Variants in AMBP observed in about 807,000 individuals in gnomAD.
AMBP encodes protein AMBP.
A neutral mutation model predicts 46.3 loss-of-function variants in AMBP; 37 were observed. That is an observed-to-expected ratio of 0.80 (90% CI 0.61 to 1.05). The LOEUF (loss-of-function observed/expected upper bound fraction) is 1.05, where lower values mean the gene tolerates loss of function less well. Among genes scored for constraint, AMBP ranks in the 50% least tolerant of loss-of-function variants. The pLI, the probability that AMBP is intolerant of heterozygous loss-of-function variation, is 0.00. For synonymous variants in AMBP, 174 were observed against 175.9 expected (o/e 0.99, Z 0.09); for missense variants, 475 against 461.2 (o/e 1.03, Z -0.27).
chr9:114,066,384 T>TGTGTGTGTGG (rs2134848390), intron 6 of AMBP, among the ~76,000 whole-genome samples: 1 of 150,414 alleles, frequency 6.6e-6, no homozygotes, highest in African/African-American at 2.4e-5. Context: ...CACGTGTGTG[T>TGTGTGTGTGG]GTGTGTGTGT....
chr9:114,066,659 A>G (rs1047726472), intron 6 of AMBP, among the ~76,000 whole-genome samples: 1 of 152,126 alleles, frequency 6.6e-6, no homozygotes, highest in Non-Finnish European at 1.5e-5. Context: ...GCACAAAGGA[A>G]TGACTGCTAA....
chr9:114,072,504 A>G (rs893653234), intron 5 of AMBP, among the ~76,000 whole-genome samples: 2 of 152,218 alleles, frequency 1.3e-5, no homozygotes, highest in Admixed American at 1.3e-4. Flanking sequence ...TACCAGGCCA[A>G]GTGGGTGGAA....
At chr9:114,076,876 T>A in intron 1 of AMBP, 136 bp from the exon 2 acceptor site, 1 of 1,160,814 alleles carries the variant, frequency 8.6e-7, no homozygotes. Flanking sequence ...TTTTAAGGGA[T>A]AATGTCTTAC....
rs757570817 is a variant in AMBP at position 114,069,752 on chromosome 9, C to T, written c.557-7G>A. ...TCCCCAGGGACACATTCACCTAGGT[C>T]ACAGAGCAGGAGAGAGGAGTGAATA... On this transcript the variant is annotated splice_region_variant and splice_polypyrimidine_tract_variant and intron_variant, in intron 5 of 9. Coordinates refer to ENST00000265132, the MANE Select transcript of AMBP (RefSeq NM_001633.4). 67 of 1,614,012 alleles carry T rather than the reference C, an allele frequency of 4.2e-5. No individual in the cohort carries two copies. The East Asian group carries it at 1.4e-3, about 35-fold the overall frequency.
At chr9:114,060,904 G>A (rs771460219) in intron 9 of AMBP, 21 bp downstream of exon 9, 4 of 1,607,736 alleles carry the variant, frequency 2.5e-6, no homozygotes, top group Non-Finnish European at 3.4e-6. Context: ...GCCCAGCCTG[G>A]CACCCTGCAG....
At chr9:114,074,518 T>G (rs1846783654) in intron 3 of AMBP, among the ~76,000 whole-genome samples, 2 of 152,108 alleles carry the variant, frequency 1.3e-5, no homozygotes, top group African/African-American at 4.8e-5. Context: ...TTCATCCATC[T>G]ATCTAGCCAA....
chr9:114,071,253 C>T (rs1052444214), intron 5 of AMBP, among the ~76,000 whole-genome samples: 4 of 152,246 alleles, frequency 2.6e-5, no homozygotes, highest in African/African-American at 9.6e-5. Context: ...AGGATGCCTG[C>T]TCCCACTGCC....
chr9:114,060,971 G>C lies in AMBP; in HGVS notation c.981C>G (p.Phe327Leu). 6.2e-7 allele frequency: 1 copy of C among 1,614,264 alleles called. No individual in the cohort carries two copies. The highest frequency in any genetic ancestry group is 8.5e-7 in the Non-Finnish European group (1 of 1,180,046). ...YGGCQGNGNK[F>L]YSEKECREYC... ...ACTCTCTGCACTCCTTCTCTGAGTAGAACTTGTTCCCGTTGCCCTGGCAGC... is the reference window on the plus strand; with the variant it reads ...ACTCTCTGCACTCCTTCTCTGAGTACAACTTGTTCCCGTTGCCCTGGCAGC... Residue 327 changes from phenylalanine (F) to leucine (L), a missense_variant, in exon 9 of 10, where the codon TTC becomes TTG. This residue lies in a region of AMBP where 293 missense variants were observed against 276.9 expected (regional missense o/e 1.06). Transcript: ENST00000265132.
chr9:114,061,228 T>A, intron 8 of AMBP, 130 bp from the exon 9 acceptor site: 2 of 1,394,844 alleles, frequency 1.4e-6, no homozygotes, highest in Non-Finnish European at 1.9e-6. Flanking sequence ...ATGGGGAAAC[T>A]GGGGCCCACA....
In AMBP at chr9:114,075,736, G is replaced by T. The variant is rs112319163; in HGVS notation, c.261-700C>A. Among the ~76,000 whole-genome samples, 209 of 152,272 alleles carry T rather than the reference G, an allele frequency of 1.4e-3. 1 individual carries two copies. Among genetic ancestry groups the T allele is most frequent in the African/African-American group, 4.7e-3 (197 of 41,546 alleles). On this transcript the variant is annotated intron_variant, in intron 2 of 9. Coordinates refer to ENST00000265132, the MANE Select transcript of AMBP (RefSeq NM_001633.4). ...AGTACCACATGGGGGTAAGTGTGAG[G>T]TCCTCTTCGGGCACAAAGAAGGGCA...
chr9:114,069,077 T>C (rs186356807), intron 6 of AMBP, among the ~76,000 whole-genome samples: 4 of 152,028 alleles, frequency 2.6e-5, no homozygotes, highest in East Asian at 1.9e-4. Context: ...CATATATATA[T>C]ACACACACAG....
Position 114,069,709 on chromosome 9 carries a change from A to G in AMBP, c.593T>C (p.Ile198Thr), listed in dbSNP as rs147941577. Residue 198 changes from isoleucine to threonine, a missense_variant, in exon 6 of 10, where the codon ATC becomes ACC. Ile to Thr is a moderately conservative substitution (Grantham distance 89, BLOSUM62 -1). Around this residue, in one of 3 missense-constraint regions of AMBP, gnomAD observed 293 missense variants for 276.9 expected, o/e 1.06. Transcript: ENST00000265132. Reference sequence around the variant, plus strand: ...GGATGAGGCACTCACCGGGATTAAGATGGGCTCTGGTTCCTGCTCCCCAGG... The same window carrying G: ...GGATGAGGCACTCACCGGGATTAAGGTGGGCTCTGGTTCCTGCTCCCCAGG... ...CVPGEQEPEP[I>T]LIPRVRRAVL... The G allele has an allele frequency of 2.7e-3, 4,307 of 1,613,704 alleles. 10 individuals carry two copies. The highest frequency in any genetic ancestry group is 6.4e-3 in the Middle Eastern group (38 of 5,948).
intron 4 of AMBP, among the ~76,000 whole-genome samples, chr9:114,073,430 TA>T (rs1846766718): frequency 6.7e-6 from 1 of 150,336 alleles, no homozygotes; most frequent in Non-Finnish European, 1.5e-5. Flanking sequence ...GTATTTTCAG[TA>T]GAGACGGGGT....
In AMBP at chr9:114,060,957, T is replaced by A; in HGVS notation, c.995A>T (p.Glu332Val). Residue 332 changes from glutamate (E) to valine (V), a missense_variant, in exon 9 of 10, where the codon GAG becomes GTG. Physicochemically the swap from Glu to Val is moderately radical, Grantham distance 121. Transcript: ENST00000265132. ...GNGNKFYSEK[E>V]CREYCGVPGD... The stretch of plus-strand genomic sequence containing the variant: ...AGGGACACCGCAGTACTCTCTGCAC[T>A]CCTTCTCTGAGTAGAACTTGTTCCC... 6.2e-7 allele frequency: 1 copy of A among 1,614,216 alleles called. No individual in the cohort carries two copies. The highest frequency in any genetic ancestry group is 1.3e-5 in the African/African-American group (1 of 75,068).
At chr9:114,077,162 T>G (rs902632863) in intron 1 of AMBP, among the ~76,000 whole-genome samples, 2 of 152,170 alleles carry the variant, frequency 1.3e-5, no homozygotes. Context: ...AAAAGTATAA[T>G]GAACATGATG....
Position 114,060,201 on chromosome 9 carries a change from G to A in AMBP, c.*38C>T, listed in dbSNP as rs1478131459. 1 of 1,604,716 alleles carries A rather than the reference G, an allele frequency of 6.2e-7. No individual in the cohort carries two copies. The highest frequency in any genetic ancestry group is 8.5e-7 in the Non-Finnish European group (1 of 1,174,606). On this transcript the variant is annotated 3_prime_UTR_variant, in exon 10 of 10. Coordinates refer to ENST00000265132, the MANE Select transcript of AMBP (RefSeq NM_001633.4). ...CTGCCTGCCACAGGACCCCGGGACA[G>A]ACACTGGCCATCCTCTGACTTGCAG...
intron 6 of AMBP, among the ~76,000 whole-genome samples, 190 bp downstream of exon 6, chr9:114,069,509 A>T (rs1846722694): frequency 6.6e-6 from 1 of 152,220 alleles, no homozygotes; most frequent in Admixed American, 6.5e-5. Flanking sequence ...ATGGATTGGC[A>T]ACTAGTCCAG....
At chr9:114,060,706 C>T (rs1846625464) in intron 9 of AMBP, among the ~76,000 whole-genome samples, 1 of 152,188 alleles carries the variant, frequency 6.6e-6, no homozygotes, top group Non-Finnish European at 1.5e-5. Context: ...CTCAGTCAGC[C>T]CTGCATACCC....
intron 8 of AMBP, 63 bp from the exon 9 acceptor site, chr9:114,061,161 GAGAC>G: frequency 6.4e-7 from 1 of 1,569,488 alleles, no homozygotes; most frequent in East Asian, 2.3e-5. Context: ...AGACATACAT[GAGAC>G]TGCTGAGCCA....
Sources: gnomAD v4.1 joint callset for allele counts (sites outside exome capture counted in the v4.1 genomes callset) on GRCh38, gnomAD v4.1.1 for gene constraint, gnomAD v4.1.1 regional missense constraint, MANE v1.5 for transcripts, NCBI Gene and HGNC (gene_info 2026-07-23, HGNC 2026-07-21) for gene names.